Variants in CCDC33 observed in about 807,000 individuals in gnomAD.
CCDC33 encodes coiled-coil domain containing 33, also known as coiled-coil domain-containing protein 33.
A neutral mutation model predicts 91.9 loss-of-function variants in CCDC33; 94 were observed. The ratio of observed to expected loss-of-function variants is 1.02; its 90% CI spans 0.87 to 1.21. The LOEUF (loss-of-function observed/expected upper bound fraction) is 1.21, where lower values mean the gene tolerates loss of function less well. Ranked by LOEUF, CCDC33 falls within the 50% of genes most tolerant of loss-of-function variation. The pLI is 0.00. For missense variants in CCDC33, 940 were observed against 935.5 expected, an observed-to-expected ratio of 1.00 and a Z score of -0.06; for synonymous variants, 396 against 374.5, an observed-to-expected ratio of 1.06 and a Z score of -0.66.
intron 11 of CCDC33, among the ~76,000 whole-genome samples, chr15:74,308,529 G>A (rs2059934316): frequency 2.0e-5 from 3 of 152,226 alleles, no homozygotes; most frequent in Admixed American, 2.0e-4. Context: ...GGGGCGGGGA[G>A]GGCCTGTGGG....
intron 11 of CCDC33, among the ~76,000 whole-genome samples, chr15:74,310,852 C>T (rs1218886341): frequency 6.6e-6 from 1 of 152,174 alleles, no homozygotes; most frequent in Non-Finnish European, 1.5e-5. Flanking sequence ...AGGTGGGGGG[C>T]TCTGAAAGGA....
At chr15:74,272,483 T>C (rs381832) in intron 6 of CCDC33, among the ~76,000 whole-genome samples, 149,935 of 152,348 alleles carry the variant, frequency 0.98, 73,822 homozygotes, top group East Asian at 1. Flanking sequence ...GGGTCTGTCT[T>C]GGTCACTTCC....
At chr15:74,226,229 C>G (rs2074791746) in intron 2 of CCDC33, among the ~76,000 whole-genome samples, 1 of 152,146 alleles carries the variant, frequency 6.6e-6, no homozygotes, top group Non-Finnish European at 1.5e-5. Context: ...GGGTGGTCGT[C>G]AAGGACTCAG....
exon 1 of CCDC33, chr15:74,217,361 C>G: frequency 7.8e-7 from 1 of 1,290,066 alleles, no homozygotes; most frequent in Non-Finnish European, 1.0e-6. Context: ...ATCTGGAGTT[C>G]GAAGTTTTGA....
chr15:74,335,325 G>T (rs1210226466), intron 18 of CCDC33: 4 of 607,950 alleles, frequency 6.6e-6, no homozygotes, highest in Non-Finnish European at 8.8e-6. Flanking sequence ...TCCCCCATGG[G>T]GTGCTGTGAA....
At chr15:74,333,369 G>A in intron 16 of CCDC33, 1 of 1,447,362 alleles carries the variant, frequency 6.9e-7, no homozygotes, top group Non-Finnish European at 9.5e-7. Context: ...CTCCACCTCT[G>A]AAGATGCTTC....
At chr15:74,295,558 G>A (rs1312680760) in intron 10 of CCDC33, among the ~76,000 whole-genome samples, 196 bp from the exon 11 acceptor site, 1 of 152,176 alleles carries the variant, frequency 6.6e-6, no homozygotes, top group Non-Finnish European at 1.5e-5. Context: ...AGCTTGGCTT[G>A]TTGGAGGAAC....
At chr15:74,318,776 GA>G in intron 11 of CCDC33, 1 of 653,832 alleles carries the variant, frequency 1.5e-6, no homozygotes, top group African/African-American at 1.9e-5. Context: ...TCTTAAGTGG[GA>G]GGCAGGGTGG....
intron 3 of CCDC33, among the ~76,000 whole-genome samples, chr15:74,265,192 A>T (rs900853222): frequency 1.3e-5 from 2 of 152,046 alleles, no homozygotes; most frequent in African/African-American, 4.8e-5. Flanking sequence ...CCAGCGGCTG[A>T]GCCCGCTGAA....
At chr15:74,331,999 C>T (rs898649429) in intron 15 of CCDC33, among the ~76,000 whole-genome samples, 1 of 152,268 alleles carries the variant, frequency 6.6e-6, no homozygotes, top group South Asian at 2.1e-4. Context: ...CACTGTACTC[C>T]GGCCTGGGTG....
intron 13 of CCDC33, 28 bp from the exon 14 acceptor site, chr15:74,330,953 T>TC: frequency 6.4e-7 from 1 of 1,562,564 alleles, no homozygotes; most frequent in Non-Finnish European, 8.7e-7. Context: ...ACCCATTCTC[T>TC]CCCCTTCTCT....
At chr15:74,335,529 T>C (rs2142906578) in intron 18 of CCDC33, 1 of 362,432 alleles carries the variant, frequency 2.8e-6, no homozygotes, top group South Asian at 4.1e-5. Flanking sequence ...TTTGCCAACT[T>C]CCCGAGAACA....
chr15:74,239,591 C>T (rs543817714), intron 1 of CCDC33, among the ~76,000 whole-genome samples: 1 of 152,260 alleles, frequency 6.6e-6, no homozygotes, highest in Non-Finnish European at 1.5e-5. Context: ...TCGGTGCTCA[C>T]AGCCCAGCCT....
chr15:74,308,802 C>T (rs540702003), intron 11 of CCDC33, among the ~76,000 whole-genome samples: 14 of 152,232 alleles, frequency 9.2e-5, no homozygotes, highest in African/African-American at 2.6e-4. Context: ...TTTGGAAGGG[C>T]CAGGAAGAGC....
upstream of CCDC33, among the ~76,000 whole-genome samples, chr15:74,231,605 G>GT (rs759004215): frequency 2.0e-5 from 3 of 152,202 alleles, no homozygotes; most frequent in Non-Finnish European, 4.4e-5. Flanking sequence ...TGGTTTGGTG[G>GT]TAATGATCTC....
At chr15:74,239,729 T>G (rs1448779380) in intron 1 of CCDC33, among the ~76,000 whole-genome samples, 2 of 152,220 alleles carry the variant, frequency 1.3e-5, no homozygotes, top group Non-Finnish European at 2.9e-5. Context: ...GAGAAGCTGA[T>G]GGTGAGCATC....
chr15:74,267,903 A>C (rs2076210358), intron 4 of CCDC33, among the ~76,000 whole-genome samples: 1 of 152,154 alleles, frequency 6.6e-6, no homozygotes, highest in African/African-American at 2.4e-5. Context: ...CAATCATGGC[A>C]CCAGGGGGCT....
chr15:74,256,118 G>T (rs745587289), intron 2 of CCDC33, among the ~76,000 whole-genome samples: 11 of 152,128 alleles, frequency 7.2e-5, no homozygotes, highest in Non-Finnish European at 1.5e-4. Flanking sequence ...GTGGGGAGGC[G>T]CCAGGAATCA....
chr15:74,244,165 G>T lies in CCDC33; in HGVS notation c.185+17G>T. ...TGTGGTGGTGTAAGTAGCTGCGTGA[G>T]AGTGGGGGCAGGGGATGGGTTGGGC... is the stretch of plus-strand genomic sequence containing the variant. On this transcript the variant is annotated intron_variant, in intron 2 of 18. Coordinates refer to ENST00000398814, the MANE Select transcript of CCDC33 (RefSeq NM_025055.5). The surrounding 1 kb of genome is among the most constrained non-coding windows in gnomAD (Gnocchi z 4.2). 6.2e-7 allele frequency: 1 copy of T among 1,600,740 alleles called. No homozygotes were observed. Among genetic ancestry groups the T allele is most frequent in the Middle Eastern group, 1.7e-4 (1 of 5,976 alleles).
Sources: allele counts gnomAD v4.1 joint callset (sites outside exome capture counted in the v4.1 genomes callset), GRCh38; gene constraint gnomAD v4.1.1; non-coding constraint Gnocchi (gnomAD v3.1); transcripts MANE v1.5; gene names NCBI Gene and HGNC (gene_info 2026-07-23, HGNC 2026-07-21).